DOCK7: variants seen among roughly 807,000 people sequenced by gnomAD.
DOCK7 encodes dedicator of cytokinesis protein 7.
A neutral mutation model predicts 271.0 loss-of-function variants in DOCK7; 138 were observed. The ratio of observed to expected loss-of-function variants is 0.51; its 90% CI spans 0.44 to 0.59. The LOEUF (loss-of-function observed/expected upper bound fraction) is 0.59, where lower values mean the gene tolerates loss of function less well. Among genes scored for constraint, DOCK7 ranks in the 20% least tolerant of loss-of-function variants. The probability of loss-of-function intolerance (pLI) is 0.00; values close to 1 mark genes in which losing one functional copy is unlikely to be tolerated. For synonymous variants in DOCK7, 823 were observed against 876.1 expected (o/e 0.94, Z 1.07); for missense variants, 2,066 against 2,592.4 (o/e 0.80, Z 4.41).
At chr1:62,550,999 G>A (rs1177933793) in intron 22 of DOCK7, among the ~76,000 whole-genome samples, 1 of 152,124 alleles carries the variant, frequency 6.6e-6, no homozygotes, top group Non-Finnish European at 1.5e-5. Context: ...GGGATTACAG[G>A]CATGAGCCAC....
At chr1:62,652,442 T>A (rs1021794010) in intron 4 of DOCK7, among the ~76,000 whole-genome samples, 1 of 152,038 alleles carries the variant, frequency 6.6e-6, no homozygotes, top group African/African-American at 2.4e-5. Flanking sequence ...TATATTCCAA[T>A]CCTGACTACT....
intron 12 of DOCK7, among the ~76,000 whole-genome samples, chr1:62,620,608 C>T (rs1653066184): frequency 1.3e-5 from 2 of 151,622 alleles, no homozygotes; most frequent in Non-Finnish European, 2.9e-5. Flanking sequence ...TGGCCGGGTG[C>T]AGTGGCTCAC....
chr1:62,495,521 C>A, intron 39 of DOCK7, 60 bp downstream of exon 39: 1 of 1,024,426 alleles, frequency 9.8e-7, no homozygotes, highest in Non-Finnish European at 1.4e-6. Flanking sequence ...TCATCTAATG[C>A]TTACTGTATG....
In DOCK7 at chr1:62,510,599, G is replaced by A; in HGVS notation, c.4357C>T (p.Gln1453Ter). ...RWRKDMTHWRQNTEKLDKSRA... is the reference protein window; with the variant it reads ...RWRKDMTHWR Reference sequence around the variant, plus strand: ...TACTTGTCAAGCTTCTCTGTGTTTTGACGCCAGTGAGTCATATCTTTCCTC... The same window carrying A: ...TACTTGTCAAGCTTCTCTGTGTTTTAACGCCAGTGAGTCATATCTTTCCTC... The change falls in exon 34 of 50, where the codon CAA becomes TAA. Residue 1453 changes from glutamine (Q) to a stop codon, truncating the protein, a stop_gained. Coordinates refer to ENST00000635253, the MANE Select transcript of DOCK7 (RefSeq NM_001367561.1). LOFTEE classifies it high-confidence loss of function. 6.2e-7 allele frequency: 1 copy of A among 1,612,948 alleles called. No homozygotes were observed. The highest frequency in any genetic ancestry group is 8.5e-7 in the Non-Finnish European group (1 of 1,179,388).
rs2149214991 is a variant in DOCK7, at chr1:62,455,257, G to C, written c.*157C>G. 1.3e-6 allele frequency: 1 copy of C among 787,940 alleles called. No homozygotes were observed. Among genetic ancestry groups the C allele is most frequent in the South Asian group, 1.5e-5 (1 of 68,482 alleles). The allele number at this position is 787,940 out of a possible 1,614,324, so 48.8% of individuals were successfully genotyped here. A position where few individuals can be genotyped will look rare whatever the true frequency, so the allele number is the denominator to read the frequency against. ...TAGAAACCATAGCCATGATTCTCAA[G>C]CGTTAACAATCTACATTTGATATTT... On this transcript the variant is annotated 3_prime_UTR_variant, in exon 50 of 50. Transcript: ENST00000635253.
rs547429252 is a variant in DOCK7 at position 62,462,008 on chromosome 1, T to C, written c.6213-4303A>G. On this transcript the variant is annotated intron_variant, in intron 48 of 49. Transcript: ENST00000635253. ...ATCGCTTGAACCCAGGAGGCGGAGG[T>C]TGCAGTGAGCCGAGATCTTGCCATT... Among the ~76,000 whole-genome samples the C allele has an allele frequency of 2.1e-3, 314 of 150,940 alleles. 2 individuals carry two copies. Among genetic ancestry groups the C allele is most frequent in the African/African-American group, 7.3e-3 (299 of 41,178 alleles).
intron 18 of DOCK7, among the ~76,000 whole-genome samples, chr1:62,568,234 G>A (rs1646590288): frequency 6.6e-6 from 1 of 152,022 alleles, no homozygotes; most frequent in Admixed American, 6.6e-5. Context: ...CAGAATCTCT[G>A]GGATGCAGCT....
rs1286159160 is a variant in DOCK7, at chr1:62,653,724, C to T, written c.389+1G>A. On this transcript the variant is annotated splice_donor_variant, in intron 4 of 49. Transcript: ENST00000635253. LOFTEE classifies it high-confidence loss of function. ...AATGTTGTAATAAACATATAACTTA[C>T]TTTCTGATGACAATTGCCCAGTCTT... 1 of 1,540,412 alleles carries T rather than the reference C, an allele frequency of 6.5e-7. No individual in the cohort carries two copies. Among genetic ancestry groups the T allele is most frequent in the Admixed American group, 1.7e-5 (1 of 59,538 alleles).
intron 48 of DOCK7, among the ~76,000 whole-genome samples, chr1:62,461,644 C>A (rs918734981): frequency 6.7e-6 from 1 of 149,420 alleles, no homozygotes; most frequent in African/African-American, 2.5e-5. Flanking sequence ...TCACTCCAGC[C>A]TGGGTGACAC....
At chr1:62,593,010 C>T (rs1648687831) in intron 14 of DOCK7, among the ~76,000 whole-genome samples, 1 of 152,046 alleles carries the variant, frequency 6.6e-6, no homozygotes, top group African/African-American at 2.4e-5. Context: ...TAAGGTTCAT[C>T]TATATAACAG....
rs745625032 is a variant in DOCK7, at chr1:62,633,595, A to T, written c.1036-17T>A. 3.1e-6 allele frequency: 5 copies of T among 1,593,530 alleles called. No homozygotes were observed. In the East Asian group the frequency reaches 9.0e-5, roughly 29 times the overall value. On this transcript the variant is annotated splice_polypyrimidine_tract_variant and intron_variant, in intron 9 of 49. Transcript: ENST00000635253. The stretch of plus-strand genomic sequence containing the variant: ...TTTTTCTAGCTGTCAAAGGCAAAAA[A>T]AGTTAAGATTAAGCTTTTAAAAGCC...
At chr1:62,498,807 CT>C (rs201641085) in intron 37 of DOCK7, among the ~76,000 whole-genome samples, 137 of 145,126 alleles carry the variant, frequency 9.4e-4, no homozygotes, top group Non-Finnish European at 1.0e-3. Context: ...CCATTTCTTT[CT>C]TTTTTTTTTT....
chr1:62,594,650 G>A (rs774029547), intron 14 of DOCK7, among the ~76,000 whole-genome samples: 2 of 152,130 alleles, frequency 1.3e-5, no homozygotes, highest in South Asian at 2.1e-4. Context: ...ACACTACTAC[G>A]TATACATTCT....
chr1:62,645,516 C>T (rs145657096), intron 7 of DOCK7, among the ~76,000 whole-genome samples: 82 of 151,962 alleles, frequency 5.4e-4, no homozygotes, highest in African/African-American at 1.6e-3. Context: ...TGGTTGCCTA[C>T]GGATGGAGGA....
At chr1:62,687,037 C>T (rs1661863813) in intron 1 of DOCK7, among the ~76,000 whole-genome samples, 1 of 152,108 alleles carries the variant, frequency 6.6e-6, no homozygotes, top group Admixed American at 6.5e-5. Flanking sequence ...GCCTCGGCCT[C>T]CCAAACTGCT....
chr1:62,672,344 G>A (rs547100075), intron 1 of DOCK7, among the ~76,000 whole-genome samples: 1 of 152,116 alleles, frequency 6.6e-6, no homozygotes, highest in African/African-American at 2.4e-5. Context: ...CACTTACAAC[G>A]TGTCACATAC....
chr1:62,542,727 T>TATCAAAGTC (rs761735232), intron 24 of DOCK7, 24 bp from the exon 25 acceptor site: 2 of 1,602,782 alleles, frequency 1.2e-6, no homozygotes, highest in Admixed American at 3.4e-5. Context: ...AATCCAAAGT[T>TATCAAAGTC]ATTATCAAAG....
intron 39 of DOCK7, 39 bp downstream of exon 39, chr1:62,495,542 T>A: frequency 7.5e-7 from 1 of 1,337,896 alleles, no homozygotes; most frequent in Non-Finnish European, 1.0e-6. Flanking sequence ...TCTTACTAAG[T>A]CCCTTATACA....
intron 30 of DOCK7, among the ~76,000 whole-genome samples, chr1:62,528,870 C>G (rs1229158953): frequency 6.6e-6 from 1 of 152,200 alleles, no homozygotes; most frequent in East Asian, 1.9e-4. Flanking sequence ...AACTTATTAA[C>G]CTGGTGTTAG....
Sources: allele counts gnomAD v4.1 joint callset (sites outside exome capture counted in the v4.1 genomes callset), GRCh38; gene constraint gnomAD v4.1.1; transcripts MANE v1.5; gene names NCBI Gene and HGNC (gene_info 2026-07-23, HGNC 2026-07-21).